TANC2: variants seen among roughly 807,000 people sequenced by gnomAD.
The protein encoded by TANC2 is tetratricopeptide repeat, ankyrin repeat and coiled-coil containing 2.
A neutral mutation model predicts 210.5 loss-of-function variants in TANC2; 26 were observed. That is an observed-to-expected ratio of 0.12 (90% CI 0.09 to 0.17). The LOEUF is 0.17. Among genes scored for constraint, TANC2 ranks in the 10% least tolerant of loss-of-function variants. The pLI is 1.00. For missense variants in TANC2, 2,129 were observed against 2,608.9 expected, an observed-to-expected ratio of 0.82 and a Z score of 4.01; for synonymous variants, 931 against 967.1, an observed-to-expected ratio of 0.96 and a Z score of 0.69.
At chr17:63,270,047 CT>C (rs1267858972) in intron 9 of TANC2, among the ~76,000 whole-genome samples, 1 of 152,094 alleles carries the variant, frequency 6.6e-6, no homozygotes, top group East Asian at 1.9e-4. Context: ...TTTTCAAGAG[CT>C]TTCCTTTTAG....
At chr17:63,059,497 A>G (rs1035978810) in intron 2 of TANC2, among the ~76,000 whole-genome samples, 1 of 152,102 alleles carries the variant, frequency 6.6e-6, no homozygotes, top group African/African-American at 2.4e-5. Flanking sequence ...CAGAATGGTG[A>G]TATTCTAATT....
At chr17:62,986,831 A>G (rs1431362828) in intron 1 of TANC2, among the ~76,000 whole-genome samples, 1 of 151,966 alleles carries the variant, frequency 6.6e-6, no homozygotes, top group Non-Finnish European at 1.5e-5. Context: ...GTATTACCAG[A>G]CAGAGTGGCC....
intron 14 of TANC2, among the ~76,000 whole-genome samples, chr17:63,378,362 TTAAAA>T (rs1324296550): frequency 6.6e-6 from 1 of 151,950 alleles, no homozygotes; most frequent in African/African-American, 2.4e-5. Context: ...ACATTAACAC[TTAAAA>T]TAAGTGTATC....
chr17:63,314,254 C>A, intron 9 of TANC2, 134 bp from the exon 10 acceptor site: 2 of 923,814 alleles, frequency 2.2e-6, no homozygotes, highest in Non-Finnish European at 3.2e-6. Flanking sequence ...TTCGCAGTTG[C>A]ATTATTTCTG....
chr17:63,139,312 A>C (rs576699296), intron 4 of TANC2, among the ~76,000 whole-genome samples: 18 of 152,318 alleles, frequency 1.2e-4, no homozygotes, highest in African/African-American at 4.3e-4. Flanking sequence ...AAAATGGAGA[A>C]TTAAGTCAAG....
chr17:63,326,069 CAAAGAT>C (rs1228285229), intron 11 of TANC2, among the ~76,000 whole-genome samples: 54 of 152,208 alleles, frequency 3.5e-4, no homozygotes, highest in Admixed American at 3.1e-3. Context: ...AGAATTATAA[CAAAGAT>C]AAACATTATC....
chr17:63,015,029 T>G (rs902514563), intron 2 of TANC2, among the ~76,000 whole-genome samples: 4 of 152,024 alleles, frequency 2.6e-5, no homozygotes, highest in Non-Finnish European at 5.9e-5. Flanking sequence ...ATTATTACAG[T>G]TTTTTTCCTT....
intron 11 of TANC2, among the ~76,000 whole-genome samples, chr17:63,322,063 T>A (rs1449336387): frequency 6.6e-6 from 1 of 152,202 alleles, no homozygotes; most frequent in Non-Finnish European, 1.5e-5. Context: ...CCCAGATACA[T>A]TATTAATTAT....
chr17:63,381,803 G>A (rs181425033), intron 15 of TANC2, among the ~76,000 whole-genome samples: 1 of 152,154 alleles, frequency 6.6e-6, no homozygotes, highest in Non-Finnish European at 1.5e-5. Flanking sequence ...TCTTGAGCAA[G>A]CTTATCACTG....
At chr17:63,080,414 G>A (rs1208562592) in intron 3 of TANC2, among the ~76,000 whole-genome samples, 1 of 152,170 alleles carries the variant, frequency 6.6e-6, no homozygotes, top group Non-Finnish European at 1.5e-5. Flanking sequence ...TGCAAAAATA[G>A]CATTATGCAG....
chr17:63,005,620 G>T (rs1255316830), intron 1 of TANC2, among the ~76,000 whole-genome samples: 4 of 150,770 alleles, frequency 2.7e-5, no homozygotes, highest in African/African-American at 7.3e-5. Flanking sequence ...GTCTTTAATG[G>T]TTTTTTTTTG....
chr17:63,099,396 A>C, intron 4 of TANC2, 39 bp downstream of exon 4: 1 of 1,413,576 alleles, frequency 7.1e-7, no homozygotes, highest in Non-Finnish European at 9.4e-7. Context: ...TTAACAGGAA[A>C]CCTAACGATA....
At chr17:63,174,218 G>A (rs1394553924) in intron 5 of TANC2, among the ~76,000 whole-genome samples, 1 of 152,202 alleles carries the variant, frequency 6.6e-6, no homozygotes, top group African/African-American at 2.4e-5. Flanking sequence ...GCAGGGTGAG[G>A]TAAAGCCCTT....
chr17:63,198,276 A>G (rs536532725), intron 6 of TANC2, among the ~76,000 whole-genome samples: 1 of 152,044 alleles, frequency 6.6e-6, no homozygotes, highest in East Asian at 1.9e-4. Flanking sequence ...GCTCACTGCA[A>G]CCTCTACCTC....
chr17:62,988,582 T>G (rs554156952), intron 1 of TANC2, among the ~76,000 whole-genome samples: 2 of 152,308 alleles, frequency 1.3e-5, no homozygotes, highest in Admixed American at 1.3e-4. Flanking sequence ...TTTATGAAGT[T>G]TAAAAGCAGT....
intron 2 of TANC2, among the ~76,000 whole-genome samples, chr17:63,065,429 A>C (rs2036161038): frequency 6.6e-6 from 1 of 152,200 alleles, no homozygotes; most frequent in Non-Finnish European, 1.5e-5. Context: ...ATATACCCAA[A>C]AGTGGGAATT....
chr17:63,009,392 C>G (rs1178545155), intron 1 of TANC2, among the ~76,000 whole-genome samples, 145 bp from the exon 2 acceptor site: 1 of 152,146 alleles, frequency 6.6e-6, no homozygotes. Context: ...TACCTGTCCT[C>G]TCAATCATTT....
intron 5 of TANC2, among the ~76,000 whole-genome samples, chr17:63,163,045 A>G (rs2040081762): frequency 6.6e-6 from 1 of 151,746 alleles, no homozygotes; most frequent in Admixed American, 6.6e-5. Context: ...AAGAGGATCA[A>G]GGGAGTTGAG....
intron 4 of TANC2, among the ~76,000 whole-genome samples, chr17:63,139,752 A>C (rs1037393527): frequency 3.9e-5 from 6 of 152,272 alleles, no homozygotes; most frequent in African/African-American, 1.4e-4. Flanking sequence ...ACATTTTTAT[A>C]AATTAGCTGG....
Sources: gnomAD v4.1 joint callset for allele counts (sites outside exome capture counted in the v4.1 genomes callset) on GRCh38, gnomAD v4.1.1 for gene constraint, MANE v1.5 for transcripts, NCBI Gene and HGNC (gene_info 2026-07-23, HGNC 2026-07-21) for gene names.